The following PLXNA4 variants were observed in gnomAD, a reference collection of about 807,000 sequenced individuals.
PLXNA4 encodes plexin A4.
Under a neutral mutation model 191.8 loss-of-function variants are expected in PLXNA4, and 44 were observed. The ratio of observed to expected loss-of-function variants is 0.23; its 90% confidence interval spans 0.18 to 0.29. PLXNA4 has a LOEUF of 0.29. PLXNA4 is among the 10% of genes least tolerant of loss of function. The pLI is 1.00. For synonymous variants in PLXNA4, 1,082 were observed against 1,009.5 expected (o/e 1.07, Z -1.36); for missense variants, 1,800 against 2,488.8 (o/e 0.72, Z 5.89).
intron 3 of PLXNA4, among the ~76,000 whole-genome samples, chr7:132,322,961 G>A (rs1237317455): frequency 6.6e-6 from 1 of 152,196 alleles, no homozygotes; most frequent in Non-Finnish European, 1.5e-5. Context: ...ATAAGCCAGA[G>A]AGGCCTTAAC....
At chr7:132,527,046 A>G (rs1040029260) in intron 1 of PLXNA4, among the ~76,000 whole-genome samples, 8 of 152,176 alleles carry the variant, frequency 5.3e-5, no homozygotes, top group Non-Finnish European at 1.0e-4. Context: ...CCCGGGTTAA[A>G]TCCTGTTAAA....
chr7:132,585,837 C>A (rs540368945), intron 2 of PLXNA4, among the ~76,000 whole-genome samples: 1 of 152,258 alleles, frequency 6.6e-6, no homozygotes, highest in Admixed American at 6.5e-5. Flanking sequence ...CCCTCATGAC[C>A]TCATCTAAAC....
chr7:132,479,864 C>T (rs1289780219), intron 3 of PLXNA4, among the ~76,000 whole-genome samples: 2 of 152,090 alleles, frequency 1.3e-5, no homozygotes, highest in Non-Finnish European at 2.9e-5. Context: ...TGCCATGTTG[C>T]CCAGGCTGGT....
intron 3 of PLXNA4, among the ~76,000 whole-genome samples, chr7:132,343,138 A>G (rs1436289826): frequency 6.6e-6 from 1 of 152,080 alleles, no homozygotes; most frequent in East Asian, 1.9e-4. Flanking sequence ...AAAACCCACT[A>G]CAAAAGGAAG....
At chr7:132,261,273 C>A (rs149748212) in intron 4 of PLXNA4, among the ~76,000 whole-genome samples, 2 of 152,218 alleles carry the variant, frequency 1.3e-5, no homozygotes, top group South Asian at 2.1e-4. Flanking sequence ...CAGAGTCCTG[C>A]GGCTGCGATG....
intron 1 of PLXNA4, among the ~76,000 whole-genome samples, chr7:132,512,493 G>T (rs1009795107): frequency 6.6e-6 from 1 of 152,146 alleles, no homozygotes; most frequent in Non-Finnish European, 1.5e-5. Context: ...GAGGAGGGGG[G>T]CCCACAGAAA....
chr7:132,499,999 T>C (rs1346338197), intron 2 of PLXNA4, among the ~76,000 whole-genome samples: 8 of 152,152 alleles, frequency 5.3e-5, no homozygotes, highest in Non-Finnish European at 1.2e-4. Context: ...CTCTCAGTTG[T>C]CTCTTTCTCC....
chr7:132,352,929 T>C (rs1585025898), intron 3 of PLXNA4, among the ~76,000 whole-genome samples: 1 of 152,294 alleles, frequency 6.6e-6, no homozygotes, highest in South Asian at 2.1e-4. Context: ...GGGAAATATC[T>C]TGGTACAGAG....
At chr7:132,540,292 C>G (rs905761555) in intron 1 of PLXNA4, among the ~76,000 whole-genome samples, 2 of 152,202 alleles carry the variant, frequency 1.3e-5, no homozygotes, top group African/African-American at 4.8e-5. Flanking sequence ...GTCTCCTGCT[C>G]AAGTCCTACT....
upstream of PLXNA4, among the ~76,000 whole-genome samples, chr7:132,577,539 G>C (rs898525851): frequency 2.0e-4 from 30 of 152,060 alleles, no homozygotes; most frequent in African/African-American, 7.2e-4. Context: ...GAGGGGGCAG[G>C]GGGCGCCTCC....
Position 132,452,684 on chromosome 7 carries a change from T to A in PLXNA4, c.1371+36608A>T, listed in dbSNP as rs537348585. On this transcript the variant is annotated intron_variant, in intron 3 of 31. Coordinates refer to ENST00000321063, the MANE Select transcript of PLXNA4 (RefSeq NM_020911.2). ...GAAAGGCAATATGGCCATCTCTTCATGGGCAACTCTCTTCCAACCCAAGCT... is the reference window on the plus strand; with the variant it reads ...GAAAGGCAATATGGCCATCTCTTCAAGGGCAACTCTCTTCCAACCCAAGCT... Among the ~76,000 whole-genome samples, 14 of 152,256 alleles carry A rather than the reference T, an allele frequency of 9.2e-5. No individual in the cohort carries two copies. In the South Asian group the frequency reaches 2.7e-3, roughly 29 times the overall value.
chr7:132,588,592 A>G (rs1802544644), intron 2 of PLXNA4, among the ~76,000 whole-genome samples: 1 of 149,594 alleles, frequency 6.7e-6, no homozygotes, highest in Non-Finnish European at 1.5e-5. Flanking sequence ...GCATATTCAG[A>G]CATAAAAACT....
At chr7:132,511,639 G>A (rs1798718870) in intron 1 of PLXNA4, among the ~76,000 whole-genome samples, 1 of 152,188 alleles carries the variant, frequency 6.6e-6, no homozygotes, top group Non-Finnish European at 1.5e-5. Context: ...GCACAGTTAA[G>A]TGCTTAGGAA....
intron 2 of PLXNA4, among the ~76,000 whole-genome samples, chr7:132,591,235 T>C (rs1802599070): frequency 6.6e-6 from 1 of 152,146 alleles, no homozygotes; most frequent in Admixed American, 6.5e-5. Context: ...AGGGCCCATG[T>C]TGGGGACAAG....
intron 3 of PLXNA4, among the ~76,000 whole-genome samples, chr7:132,432,261 C>T (rs879489638): frequency 2.6e-5 from 4 of 152,166 alleles, no homozygotes; most frequent in Non-Finnish European, 5.9e-5. Flanking sequence ...CTCTGCAACT[C>T]CCTTCGAATC....
rs1311257091 is a variant in PLXNA4, at chr7:132,158,404, A to G, written c.4660+1069T>C. Among the ~76,000 whole-genome samples, 3 of 152,164 alleles carry G rather than the reference A, an allele frequency of 2.0e-5. No homozygotes were observed. In the East Asian group the frequency reaches 5.8e-4, roughly 29 times the overall value. On this transcript the variant is annotated intron_variant, in intron 25 of 31. Coordinates refer to ENST00000321063, the MANE Select transcript of PLXNA4 (RefSeq NM_020911.2). ...GTGTCTGAGGGGTCCTCCCACCACT[A>G]TGTTACCAGGAATCTCCAGATACGA...
intron 24 of PLXNA4, among the ~76,000 whole-genome samples, chr7:132,163,893 A>G (rs907847406): frequency 6.6e-6 from 1 of 152,212 alleles, no homozygotes; most frequent in African/African-American, 2.4e-5. Flanking sequence ...AGAAACCCCC[A>G]GTTCATTGGC....
intron 4 of PLXNA4, among the ~76,000 whole-genome samples, chr7:132,258,230 C>T (rs11982541): frequency 2.8e-4 from 43 of 152,350 alleles, no homozygotes; most frequent in Admixed American, 9.2e-4. Context: ...CAGTGCAGAC[C>T]AAATAGCTGC....
chr7:132,247,959 T>C (rs1273204059), intron 4 of PLXNA4, among the ~76,000 whole-genome samples: 1 of 152,182 alleles, frequency 6.6e-6, no homozygotes, highest in African/African-American at 2.4e-5. Flanking sequence ...TGAGTCCCAA[T>C]TCTTCACTCC....
Sources: gnomAD v4.1 joint callset for allele counts (sites outside exome capture counted in the v4.1 genomes callset) on GRCh38, gnomAD v4.1.1 for gene constraint, MANE v1.5 for transcripts, NCBI Gene and HGNC (gene_info 2026-07-23, HGNC 2026-07-21) for gene names.